Variants in PHC3 observed in about 807,000 individuals in gnomAD.
PHC3 encodes the protein polyhomeotic homolog 3.
A neutral mutation model predicts 107.4 loss-of-function variants in PHC3; 13 were observed. That is an observed-to-expected ratio of 0.12 (90% CI 0.08 to 0.19). The LOEUF is 0.19. Ranked by LOEUF, PHC3 falls within the 10% of genes least tolerant of loss-of-function variation. The pLI is 1.00. For missense variants in PHC3, 992 were observed against 1,210.9 expected (o/e 0.82, Z 2.68); for synonymous variants, 456 against 427.4 (o/e 1.07, Z -0.83).
chr3:170,164,876 A>G, intron 4 of PHC3, among the ~76,000 whole-genome samples: 1 of 152,172 alleles, frequency 6.6e-6, no homozygotes, highest in East Asian at 1.9e-4. Flanking sequence ...CCAACCAAAC[A>G]CTACAGAAAA....
At chr3:170,099,726 TGA>T (rs1333158034) in intron 14 of PHC3, among the ~76,000 whole-genome samples, 1 of 152,176 alleles carries the variant, frequency 6.6e-6, no homozygotes, top group Non-Finnish European at 1.5e-5. Flanking sequence ...GCACAAAAAT[TGA>T]CCACAGTAAG....
intron 4 of PHC3, among the ~76,000 whole-genome samples, chr3:170,158,562 C>T (rs575481619): frequency 2.0e-5 from 3 of 151,842 alleles, no homozygotes; most frequent in African/African-American, 7.2e-5. Flanking sequence ...AAGACCACAC[C>T]ACTGCACTCA....
At chr3:170,166,825 T>G (rs976452502) in intron 4 of PHC3, among the ~76,000 whole-genome samples, 1 of 151,894 alleles carries the variant, frequency 6.6e-6, no homozygotes, top group Non-Finnish European at 1.5e-5. Context: ...CCACCACACC[T>G]GGCTAATTTC....
chr3:170,127,865 T>C (rs1284151631), intron 8 of PHC3, among the ~76,000 whole-genome samples: 1 of 152,194 alleles, frequency 6.6e-6, no homozygotes, highest in African/African-American at 2.4e-5. Flanking sequence ...AAAGTATTTT[T>C]CAAGATAATT....
At position 170,097,608 on chromosome 3, in the gene PHC3, T is replaced by C. The variant is rs922902430; in HGVS notation, c.2834-224A>G. 6.6e-6 allele frequency among the ~76,000 whole-genome samples: 1 copy of C among 152,184 alleles called. No homozygotes were observed. Among genetic ancestry groups the C allele is most frequent in the African/African-American group, 2.4e-5 (1 of 41,432 alleles). On this transcript the variant is annotated intron_variant, in intron 14 of 14. Coordinates refer to ENST00000495893, the MANE Select transcript of PHC3 (RefSeq NM_024947.4). The surrounding 1 kb of genome is among the most constrained non-coding windows in gnomAD (Gnocchi z 4.1). ...CCAGGTAAAGCAATTTGCTTGGAATTCTTGCTCTAAAATAATGTTATAGAA... is the reference window on the plus strand; with the variant it reads ...CCAGGTAAAGCAATTTGCTTGGAATCCTTGCTCTAAAATAATGTTATAGAA...
At position 170,178,808 on chromosome 3, in the gene PHC3, A is replaced by G; in HGVS notation, c.145T>C (p.Ser49Pro). The change falls in exon 2 of 15, where the codon TCT (serine) becomes CCT (proline). Residue 49 changes from serine (S) to proline (P), a missense_variant. Ser to Pro is a moderately conservative substitution (Grantham distance 74, BLOSUM62 -1). Coordinates refer to ENST00000495893, the MANE Select transcript of PHC3 (RefSeq NM_024947.4). ...SSSRMQQPQI[S>P]VYSGSDRHAV... is the part of the protein sequence containing the mutation. The stretch of plus-strand genomic sequence containing the variant: ...TGTCGGTCTGAACCACTGTAGACAG[A>G]GATCTGTGGCTGCTGCATTCGAGAG... 6.2e-7 allele frequency: 1 copy of G among 1,614,018 alleles called. No individual in the cohort carries two copies. The highest frequency in any genetic ancestry group is 8.5e-7 in the Non-Finnish European group (1 of 1,179,886).
At chr3:170,115,639 C>G (rs1577022321) in intron 10 of PHC3, among the ~76,000 whole-genome samples, 1 of 152,052 alleles carries the variant, frequency 6.6e-6, no homozygotes, top group Non-Finnish European at 1.5e-5. Flanking sequence ...CTAGTGATAA[C>G]AGATAATAAT....
intron 1 of PHC3, among the ~76,000 whole-genome samples, chr3:170,179,953 C>G (rs1050457527): frequency 6.6e-6 from 1 of 152,058 alleles, no homozygotes. Flanking sequence ...TCCCACCCAC[C>G]CCACATTAGC....
intron 4 of PHC3, among the ~76,000 whole-genome samples, chr3:170,155,082 G>A (rs761722489): frequency 2.0e-5 from 3 of 152,136 alleles, no homozygotes; most frequent in East Asian, 1.9e-4. Context: ...CCCCACTGAC[G>A]CTAATTCTAG....
rs1014543581 is a variant in PHC3 at position 170,154,675 on chromosome 3, T to TTCTA, written c.415-5435_415-5432dup. Among the ~76,000 whole-genome samples the TTCTA allele has an allele frequency of 4.9e-4, 75 of 152,302 alleles. 1 individual carries two copies. The highest frequency in any genetic ancestry group is 1.7e-3 in the African/African-American group (72 of 41,570). The stretch of plus-strand genomic sequence containing the variant: ...ACTAGCAACGCCCTAACCACCTGTA[T>TTCTA]TCTACTCTAAGTTGTGAGATCAAAG... On this transcript the variant is annotated intron_variant, in intron 4 of 14. Transcript: ENST00000495893.
chr3:170,137,777 T>C (rs1258133555), intron 6 of PHC3, among the ~76,000 whole-genome samples: 1 of 152,150 alleles, frequency 6.6e-6, no homozygotes, highest in Admixed American at 6.5e-5. Flanking sequence ...CACGCACCTG[T>C]AGCCCCAGCT....
chr3:170,146,241 G>A (rs934944315), intron 5 of PHC3, among the ~76,000 whole-genome samples: 2 of 151,804 alleles, frequency 1.3e-5, no homozygotes, highest in African/African-American at 2.4e-5. Flanking sequence ...CGGGTGTGGT[G>A]GCTCATGCCT....
intron 9 of PHC3, among the ~76,000 whole-genome samples, chr3:170,119,067 GAAAAGA>G (rs1347300666): frequency 6.1e-5 from 7 of 115,222 alleles, no homozygotes; most frequent in Non-Finnish European, 1.3e-4. Flanking sequence ...AAAAAGAAAA[GAAAAGA>G]AAATCAGCAG....
At chr3:170,128,321 A>T in intron 8 of PHC3, 1 of 1,245,084 alleles carries the variant, frequency 8.0e-7, no homozygotes, top group Non-Finnish European at 1.0e-6. Context: ...AACAGAAGGG[A>T]TCTATGAAGG....
chr3:170,167,759 C>CAA (rs5854368), intron 4 of PHC3, among the ~76,000 whole-genome samples: 3,033 of 132,298 alleles, frequency 0.023, 85 homozygotes, highest in African/African-American at 0.07. Flanking sequence ...GGCTTCATCT[C>CAA]AAAAAAAAAA....
chr3:170,151,829 C>A (rs755562666), intron 4 of PHC3, among the ~76,000 whole-genome samples: 3 of 152,176 alleles, frequency 2.0e-5, no homozygotes, highest in African/African-American at 7.2e-5. Flanking sequence ...ACTCCCTGTA[C>A]GGTTCCATAA....
intron 4 of PHC3, among the ~76,000 whole-genome samples, chr3:170,158,952 A>G (rs1369249141): frequency 6.6e-6 from 1 of 151,220 alleles, no homozygotes; most frequent in African/African-American, 2.4e-5. Flanking sequence ...AGTGAAAATA[A>G]AAGTAAAATA....
chr3:170,159,201 G>A (rs1439033832), intron 4 of PHC3, among the ~76,000 whole-genome samples: 6 of 138,796 alleles, frequency 4.3e-5, no homozygotes, highest in East Asian at 2.2e-4. Context: ...GCAGTGAGCC[G>A]AGATCACGCC....
chr3:170,165,522 GC>G (rs1439411893), intron 4 of PHC3, among the ~76,000 whole-genome samples: 1 of 152,052 alleles, frequency 6.6e-6, no homozygotes, highest in African/African-American at 2.4e-5. Flanking sequence ...GGAGGCTGAG[GC>G]AGGTGGATCA....
Sources: gnomAD v4.1 joint callset for allele counts (sites outside exome capture counted in the v4.1 genomes callset) on GRCh38, gnomAD v4.1.1 for gene constraint, Gnocchi (gnomAD v3.1) non-coding constraint, MANE v1.5 for transcripts, NCBI Gene and HGNC (gene_info 2026-07-23, HGNC 2026-07-21) for gene names.